Variants in TBC1D30 observed in about 807,000 individuals in gnomAD.
The protein encoded by TBC1D30 is TBC1 domain family member 30, also known as TBC1 domain family, member 30.
In TBC1D30, 31 loss-of-function variants were observed where a neutral mutation model predicts 63.2. The ratio of observed to expected loss-of-function variants is 0.49; its 90% CI spans 0.37 to 0.66. TBC1D30 has a LOEUF of 0.66. TBC1D30 is among the 30% of genes least tolerant of loss of function. The pLI, the probability that TBC1D30 is intolerant of heterozygous loss-of-function variation, is 0.00. For synonymous variants in TBC1D30, 307 were observed against 361.5 expected (o/e 0.85, Z 1.71); for missense variants, 810 against 953.6 (o/e 0.85, Z 1.98).
At chr12:64,780,929 C>T in exon 1 of TBC1D30, 2 of 1,044,728 alleles carry the variant, frequency 1.9e-6, no homozygotes, top group South Asian at 5.1e-5. Flanking sequence ...TGCAGCTCCC[C>T]CAGCCCCGCG....
chr12:64,851,237 AT>A (rs575031760), intron 8 of TBC1D30, among the ~76,000 whole-genome samples: 1 of 151,708 alleles, frequency 6.6e-6, no homozygotes, highest in African/African-American at 2.4e-5. Flanking sequence ...GGATTCATTG[AT>A]TTTTTTTGAA....
At chr12:64,760,639 A>G (rs1870469261) in intron 1 of TBC1D30, among the ~76,000 whole-genome samples, 1 of 152,128 alleles carries the variant, frequency 6.6e-6, no homozygotes, top group African/African-American at 2.4e-5. Context: ...ATAACAAGGT[A>G]TACCTCCTTG....
intron 11 of TBC1D30, among the ~76,000 whole-genome samples, chr12:64,873,350 ATTGT>A (rs909689452): frequency 3.9e-5 from 6 of 152,288 alleles, no homozygotes; most frequent in Admixed American, 2.0e-4. Context: ...AAATGAAAAG[ATTGT>A]TTGGCATTGA....
chr12:64,811,162 GTAGT>G (rs1218126350), intron 2 of TBC1D30, among the ~76,000 whole-genome samples: 1 of 152,222 alleles, frequency 6.6e-6, no homozygotes, highest in East Asian at 1.9e-4. Context: ...ACATCAGTAA[GTAGT>G]TAATGAGATT....
chr12:64,846,532 G>A (rs1431240708), intron 8 of TBC1D30, among the ~76,000 whole-genome samples: 2 of 146,648 alleles, frequency 1.4e-5, no homozygotes, highest in African/African-American at 5.1e-5. Context: ...TTGTTTCTGG[G>A]TTCTCTGTTC....
chr12:64,875,156 G>A lies in TBC1D30; in HGVS notation c.1654G>A (p.Val552Ile), dbSNP rs751847623. 6 of 1,536,352 alleles carry A rather than the reference G, an allele frequency of 3.9e-6. No individual in the cohort carries two copies. The African/African-American group carries it at 5.5e-5, about 14-fold the overall frequency. Residue 552 changes from valine (V) to isoleucine (I), a missense_variant, in exon 12 of 12, where the codon GTC (valine) becomes ATC (isoleucine). Val to Ile is a conservative substitution (Grantham distance 29). Transcript: ENST00000539867. ...PGHTGGKISP[V>I]PYEDLKTKLN... ...TCACACAGGAGGGAAAATATCTCCT[G>A]TCCCCTACGAAGACCTTAAGACGAA...
chr12:64,838,884 G>A (rs897836582), intron 7 of TBC1D30, 33 bp downstream of exon 7: 2 of 1,528,546 alleles, frequency 1.3e-6, no homozygotes, highest in African/African-American at 1.4e-5. Context: ...TCTGTTCTGT[G>A]ATGTTGAGGG....
At chr12:64,797,117 A>G (rs1872327238) in intron 2 of TBC1D30, among the ~76,000 whole-genome samples, 2 of 150,538 alleles carry the variant, frequency 1.3e-5, no homozygotes, top group South Asian at 4.2e-4. Context: ...TAAAAAGGCT[A>G]TTAATGCCTG....
chr12:64,848,737 G>A (rs1876607875), intron 8 of TBC1D30, among the ~76,000 whole-genome samples: 1 of 152,194 alleles, frequency 6.6e-6, no homozygotes, highest in African/African-American at 2.4e-5. Context: ...GTAAATGTAA[G>A]TGTGCATGTG....
chr12:64,837,228 A>G (rs940421528), intron 6 of TBC1D30, among the ~76,000 whole-genome samples: 5 of 152,154 alleles, frequency 3.3e-5, no homozygotes, highest in African/African-American at 1.2e-4. Context: ...TTTTGGCACC[A>G]GGGACCAGTT....
intron 2 of TBC1D30, among the ~76,000 whole-genome samples, chr12:64,795,704 C>CTTTTTTTTTTTT (rs1200673199): frequency 1.5e-5 from 2 of 133,128 alleles, no homozygotes; most frequent in African/African-American, 2.7e-5. Flanking sequence ...CTCCACGCTC[C>CTTTTTTTTTTTT]TTTTTTTTTT....
intron 2 of TBC1D30, chr12:64,818,339 T>C: frequency 1.1e-6 from 1 of 911,430 alleles, no homozygotes; most frequent in Non-Finnish European, 1.3e-6. Context: ...ACTTAAGATG[T>C]AGCAAGAATG....
chr12:64,836,755 G>T (rs1324402193), intron 6 of TBC1D30, 97 bp downstream of exon 6: 1 of 1,194,054 alleles, frequency 8.4e-7, no homozygotes, highest in Non-Finnish European at 1.1e-6. Flanking sequence ...TGTATTTCCA[G>T]CTATTTTTGT....
At chr12:64,872,297 G>A (rs976974198) in intron 11 of TBC1D30, among the ~76,000 whole-genome samples, 1 of 152,132 alleles carries the variant, frequency 6.6e-6, no homozygotes, top group African/African-American at 2.4e-5. Context: ...CAAAGTGCTG[G>A]GATTACAGGA....
At chr12:64,818,527 C>A in intron 2 of TBC1D30, 1 of 409,966 alleles carries the variant, frequency 2.4e-6, no homozygotes, top group Non-Finnish European at 3.3e-6. Flanking sequence ...CAACCTCTGC[C>A]TCCCTGGTTC....
chr12:64,834,006 G>A (rs1875103218), intron 5 of TBC1D30, among the ~76,000 whole-genome samples: 1 of 152,052 alleles, frequency 6.6e-6, no homozygotes, highest in Admixed American at 6.5e-5. Context: ...ATTATAAAAG[G>A]GCTCAGTAAT....
In TBC1D30 at chr12:64,875,612, T is replaced by G; in HGVS notation, c.2110T>G (p.Ser704Ala). 6.5e-7 allele frequency: 1 copy of G among 1,536,130 alleles called. No homozygotes were observed. Among genetic ancestry groups the G allele is most frequent in the Non-Finnish European group, 8.7e-7 (1 of 1,146,910 alleles). Residue 704 changes from serine (S) to alanine (A), a missense_variant, in exon 12 of 12, where the codon TCA becomes GCA. This residue lies in a region of TBC1D30 where 450 missense variants were observed against 473.0 expected (regional missense o/e 0.95). Transcript: ENST00000539867. Reference protein sequence around the residue: ...ATSKAPQGSNSKTPIFSPFPS... With the variant: ...ATSKAPQGSNAKTPIFSPFPS... ...CAGCAAAGCTCCCCAAGGCAGCAAC[T>G]CAAAAACCCCCATCTTTAGCCCTTT...
rs1159425174 is a variant in TBC1D30 at position 64,879,125 on chromosome 12, C to T, written c.*3337C>T. ...TAGAAAATTGGGAAAACAAAAAGAG[C>T]ATAAAGAATCATCAATACTCTGATA... On this transcript the variant is annotated 3_prime_UTR_variant, in exon 12 of 12. Coordinates refer to ENST00000539867, the MANE Select transcript of TBC1D30 (RefSeq NM_015279.2). 2 of 152,620 alleles carry T rather than the reference C, an allele frequency of 1.3e-5. No homozygotes were observed. Among genetic ancestry groups the T allele is most frequent in the Non-Finnish European group, 2.9e-5 (2 of 68,392 alleles). 9.5% of individuals were successfully genotyped at this position (152,620 alleles called of 1,614,324 possible). A position where few individuals can be genotyped will look rare whatever the true frequency, so the allele number is the denominator to read the frequency against.
upstream of TBC1D30, among the ~76,000 whole-genome samples, chr12:64,776,943 G>A (rs376536620): frequency 5.6e-4 from 86 of 152,284 alleles, no homozygotes; most frequent in African/African-American, 2.0e-3. Flanking sequence ...GGGATGCAAG[G>A]TTAATTGAAC....
Sources: gnomAD v4.1 joint callset for allele counts (sites outside exome capture counted in the v4.1 genomes callset) on GRCh38, gnomAD v4.1.1 for gene constraint, gnomAD v4.1.1 regional missense constraint, MANE v1.5 for transcripts, NCBI Gene and HGNC (gene_info 2026-07-23, HGNC 2026-07-21) for gene names.